Variants in POLDIP2 observed in about 807,000 individuals in gnomAD.
The protein encoded by POLDIP2 is DNA polymerase delta interacting protein 2, also known as polymerase delta-interacting protein 2.
Under a neutral mutation model 52.9 loss-of-function variants are expected in POLDIP2, and 32 were observed. The observed-to-expected ratio is 0.61, with a 90% CI of 0.46 to 0.81. The LOEUF (loss-of-function observed/expected upper bound fraction) is 0.81. Among genes scored for constraint, POLDIP2 ranks in the 40% least tolerant of loss-of-function variants. POLDIP2 has a pLI of 0.00. For missense variants in POLDIP2, 371 were observed against 477.3 expected (o/e 0.78, Z 2.07); for synonymous variants, 183 against 183.0 (o/e 1.00, Z 0.00).
At chr17:28,354,648 G>A in intron 2 of POLDIP2, 63 bp from the exon 3 acceptor site, 1 of 1,119,142 alleles carries the variant, frequency 8.9e-7, no homozygotes. Flanking sequence ...GTGGGCCCCA[G>A]ACCACAAAGC....
chr17:28,350,856 T>A, intron 7 of POLDIP2, 64 bp from the exon 8 acceptor site: 1 of 1,294,604 alleles, frequency 7.7e-7, no homozygotes, highest in South Asian at 1.3e-5. Context: ...CCAATCAACA[T>A]CTCTCCAGTG....
chr17:28,356,678 G>A (rs991379892), intron 1 of POLDIP2, among the ~76,000 whole-genome samples: 1 of 152,110 alleles, frequency 6.6e-6, no homozygotes, highest in East Asian at 1.9e-4. Flanking sequence ...CTTTCTAGGG[G>A]CCCTTCAAAT....
In POLDIP2 at chr17:28,353,770, A is replaced by G. The variant is rs1555580480; in HGVS notation, c.363T>C (p.His121=). ...TTTTGCCTTTCACCTCCTTGGAGCC[A>G]TGGCCAGCAGGGTTCTCTGCTCTAT... ...APEKAENPAG[H]GSKEVKGKTH... is the part of the protein sequence containing the mutation. The change falls in exon 4 of 11, where the codon CAT becomes CAC. Residue 121 remains histidine, a synonymous_variant. Transcript: ENST00000540200. The G allele has an allele frequency of 6.2e-7, 1 of 1,613,252 alleles. No individual in the cohort carries two copies. Among genetic ancestry groups the G allele is most frequent in the Admixed American group, 1.7e-5 (1 of 60,008 alleles).
intron 9 of POLDIP2, among the ~76,000 whole-genome samples, chr17:28,349,835 T>C (rs1214533880): frequency 1.3e-5 from 2 of 152,220 alleles, no homozygotes; most frequent in East Asian, 3.8e-4. Context: ...ATAACTCAGC[T>C]GGAATTTGAA....
rs1454975243 is a variant in POLDIP2, at chr17:28,350,418, A to G, written c.912+20T>C. The G allele has an allele frequency of 1.0e-5, 16 of 1,595,800 alleles. No individual in the cohort carries two copies. Among genetic ancestry groups the G allele is most frequent in the Non-Finnish European group, 1.3e-5 (15 of 1,172,444 alleles). Reference sequence around the variant, plus strand: ...AGGCTTGCCACACAGGACCAGAATTACTAGACCAAGGATGCTCACCCTGCC... The same window carrying G: ...AGGCTTGCCACACAGGACCAGAATTGCTAGACCAAGGATGCTCACCCTGCC... On this transcript the variant is annotated intron_variant, in intron 9 of 10. Transcript: ENST00000540200.
At chr17:28,357,160 G>T in intron 1 of POLDIP2, 128 bp downstream of exon 1, 1 of 912,754 alleles carries the variant, frequency 1.1e-6, no homozygotes, top group Non-Finnish European at 1.6e-6. Flanking sequence ...CTCCCTGCTC[G>T]GGACCCTCTC....
intron 3 of POLDIP2, 36 bp from the exon 4 acceptor site, chr17:28,353,827 G>A: frequency 7.3e-7 from 1 of 1,376,440 alleles, no homozygotes; most frequent in Non-Finnish European, 1.0e-6. Flanking sequence ...GATCACCCCA[G>A]GAGAAATGGA....
chr17:28,357,501 G>A lies in POLDIP2; in HGVS notation c.-53C>T. Reference sequence around the variant, plus strand: ...TGACACAGAGCCCGACCCGCGGCCGGGCGGCGTTCCGCCCCAGTCCCACAC... The same window carrying A: ...TGACACAGAGCCCGACCCGCGGCCGAGCGGCGTTCCGCCCCAGTCCCACAC... On this transcript the variant is annotated 5_prime_UTR_variant, in exon 1 of 11. Transcript: ENST00000540200. The A allele has an allele frequency of 7.0e-7, 1 of 1,434,198 alleles. No individual in the cohort carries two copies. Among genetic ancestry groups the A allele is most frequent in the Non-Finnish European group, 9.1e-7 (1 of 1,104,904 alleles). The allele number at this position is 1,434,198 out of a possible 1,614,324, so 88.8% of individuals were successfully genotyped here.
rs782594347 is a variant in POLDIP2 at position 28,349,165 on chromosome 17, G to A, written c.913-3C>T. The A allele has an allele frequency of 3.7e-6, 6 of 1,612,070 alleles. No individual in the cohort carries two copies. Among genetic ancestry groups the A allele is most frequent in the Non-Finnish European group, 5.1e-6 (6 of 1,178,838 alleles). On this transcript the variant is annotated splice_region_variant and splice_polypyrimidine_tract_variant and intron_variant, in intron 9 of 10. Coordinates refer to ENST00000540200, the MANE Select transcript of POLDIP2 (RefSeq NM_015584.5). ...TGCTCCTTGGATAACACTGGTTCCTGTAAAGGTTTAGGCAAAATGGGTCAG... is the reference window on the plus strand; with the variant it reads ...TGCTCCTTGGATAACACTGGTTCCTATAAAGGTTTAGGCAAAATGGGTCAG...
At position 28,354,546 on chromosome 17, in the gene POLDIP2, G is replaced by A; in HGVS notation, c.283C>T (p.Leu95=). ...TACAGTCTGGCCTGCCAGGGAAACAGGACGACACCTCGGTAGCCAAAAATG... is the reference window on the plus strand; with the variant it reads ...TACAGTCTGGCCTGCCAGGGAAACAAGACGACACCTCGGTAGCCAAAAATG... ...HSIFGYRGVV[L]FPWQARLYDR... Residue 95 remains leucine, a synonymous_variant, in exon 3 of 11, where the codon CTG becomes TTG. Transcript: ENST00000540200. The A allele has an allele frequency of 1.3e-6, 2 of 1,563,050 alleles. No homozygotes were observed. The highest frequency in any genetic ancestry group is 1.7e-6 in the Non-Finnish European group (2 of 1,153,530).
At position 28,348,239 on chromosome 17, in the gene POLDIP2, C is replaced by G. The variant is rs2073868; in HGVS notation, c.993-8G>C. ...TCAAAGCGGAACGTGCCCCTACAGTCAGAAAGAAGCTGGTTTAGAAGGAGC... is the reference window on the plus strand; with the variant it reads ...TCAAAGCGGAACGTGCCCCTACAGTGAGAAAGAAGCTGGTTTAGAAGGAGC... On this transcript the variant is annotated splice_region_variant and splice_polypyrimidine_tract_variant and intron_variant, in intron 10 of 10. Transcript: ENST00000540200. 2 of 1,600,768 alleles carry G rather than the reference C, an allele frequency of 1.2e-6. No homozygotes were observed. Among genetic ancestry groups the G allele is most frequent in the Admixed American group, 3.3e-5 (2 of 60,002 alleles).
chr17:28,348,239 C>A lies in POLDIP2; in HGVS notation c.993-8G>T. On this transcript the variant is annotated splice_region_variant and splice_polypyrimidine_tract_variant and intron_variant, in intron 10 of 10. Transcript: ENST00000540200. ...TCAAAGCGGAACGTGCCCCTACAGT[C>A]AGAAAGAAGCTGGTTTAGAAGGAGC... 2 of 1,600,762 alleles carry A rather than the reference C, an allele frequency of 1.2e-6. No individual in the cohort carries two copies. The highest frequency in any genetic ancestry group is 2.2e-5 in the South Asian group (2 of 90,776).
At chr17:28,349,570 G>A (rs1437020868) in intron 9 of POLDIP2, among the ~76,000 whole-genome samples, 1 of 151,688 alleles carries the variant, frequency 6.6e-6, no homozygotes, top group East Asian at 1.9e-4. Flanking sequence ...GCCCAGAAAA[G>A]TAAACTATGG....
At chr17:28,352,891 C>A in intron 6 of POLDIP2, 21 bp downstream of exon 6, 1 of 1,480,856 alleles carries the variant, frequency 6.8e-7, no homozygotes, top group South Asian at 1.2e-5. Context: ...CATTCCACCT[C>A]CCCTTCTTGA....
chr17:28,355,738 T>C lies in POLDIP2; in HGVS notation c.243+57A>G. On this transcript the variant is annotated intron_variant, in intron 2 of 10. Transcript: ENST00000540200. ...ATGCAGGCCTGTGACCTAATCTGAC[T>C]TTTTTCAGAAGCAGAGCACTCTATG... 2.2e-6 allele frequency: 3 copies of C among 1,375,884 alleles called. No homozygotes were observed. The South Asian group carries it at 3.7e-5, about 17-fold the overall frequency. 85.2% of individuals were successfully genotyped at this position (1,375,884 alleles called of 1,614,324 possible). A position where few individuals can be genotyped will look rare whatever the true frequency, so the allele number is the denominator to read the frequency against.
rs1907623905 is a variant in POLDIP2 at position 28,347,502 on chromosome 17, T to C, written c.*615A>G. On this transcript the variant is annotated 3_prime_UTR_variant, in exon 11 of 11. Transcript: ENST00000540200. ...GGCCTAGCGAGGCCAGAAATGGCAA[T>C]GGTCGGTCAGTGCTAAGAGCCAGGC... 1 of 152,256 alleles carries C rather than the reference T, an allele frequency of 6.6e-6. No individual in the cohort carries two copies. Among genetic ancestry groups the C allele is most frequent in the Non-Finnish European group, 1.5e-5 (1 of 68,092 alleles). 9.4% of individuals were successfully genotyped at this position (152,256 alleles called of 1,614,324 possible).
intron 4 of POLDIP2, 83 bp from the exon 5 acceptor site, chr17:28,353,399 G>A: frequency 1.3e-6 from 1 of 747,510 alleles, no homozygotes; most frequent in Non-Finnish European, 2.4e-6. Flanking sequence ...GCAGATGCCT[G>A]TAATCCCAGC....
At position 28,353,685 on chromosome 17, in the gene POLDIP2, G is replaced by C. The variant is rs782734726; in HGVS notation, c.438+10C>G. 6.3e-7 allele frequency: 1 copy of C among 1,591,602 alleles called. No homozygotes were observed. The highest frequency in any genetic ancestry group is 2.2e-5 in the East Asian group (1 of 44,734). On this transcript the variant is annotated intron_variant, in intron 4 of 10. Coordinates refer to ENST00000540200, the MANE Select transcript of POLDIP2 (RefSeq NM_015584.5). ...GAGGACCCCCAAGCCCAGCCATCTT[G>C]CTTACTTACTATATGTGGGCAGTCA... is the stretch of plus-strand genomic sequence containing the variant.
intron 1 of POLDIP2, 65 bp from the exon 2 acceptor site, chr17:28,355,941 A>G (rs1392467783): frequency 9.3e-6 from 12 of 1,289,952 alleles, no homozygotes; most frequent in Non-Finnish European, 1.3e-5. Context: ...TATCCATAAG[A>G]AAAAGCTCCT....
Sources: gnomAD v4.1 joint callset for allele counts (sites outside exome capture counted in the v4.1 genomes callset) on GRCh38, gnomAD v4.1.1 for gene constraint, MANE v1.5 for transcripts, NCBI Gene and HGNC (gene_info 2026-07-23, HGNC 2026-07-21) for gene names.